UBTF: variants seen among roughly 807,000 people sequenced by gnomAD.
UBTF encodes nucleolar transcription factor 1.
In UBTF, 8 loss-of-function variants were observed where a neutral mutation model predicts 112.3. The observed-to-expected ratio is 0.07, with a 90% confidence interval of 0.04 to 0.13. UBTF has a LOEUF of 0.13. Among genes scored for constraint, UBTF ranks in the 10% least tolerant of loss-of-function variants. The pLI is 1.00. For missense variants in UBTF, 457 were observed against 982.1 expected, an observed-to-expected ratio of 0.47 and a Z score of 7.15; for synonymous variants, 417 against 373.1, an observed-to-expected ratio of 1.12 and a Z score of -1.36.
rs1598214375 is a variant in UBTF at position 44,207,892 on chromosome 17, C to T, written c.1925G>A (p.Arg642His). ...LWVKSLSPQD[R>H]AAYKEYISNK... ...GGAGATGTACTCTTTATATGCTGCA[C>T]GGTCCTGGGGAGACAGGCTCTGGGG... Residue 642 changes from arginine (R) to histidine (H), a missense_variant, in exon 18 of 21, where the codon CGT (arginine) becomes CAT (histidine). Around this residue, in one of 7 missense-constraint regions of UBTF, gnomAD observed 77 missense variants for 211.9 expected, o/e 0.36. Transcript: ENST00000436088. 4.3e-6 allele frequency: 7 copies of T among 1,613,928 alleles called. No individual in the cohort carries two copies. Among genetic ancestry groups the T allele is most frequent in the East Asian group, 2.2e-5 (1 of 44,878 alleles).
chr17:44,206,264 C>G lies in UBTF; in HGVS notation c.*978G>C, dbSNP rs2056232687. The G allele has an allele frequency of 1.3e-5, 2 of 152,086 alleles. No individual in the cohort carries two copies. Among genetic ancestry groups the G allele is most frequent in the South Asian group, 2.1e-4 (1 of 4,802 alleles). The allele number at this position is 152,086 out of a possible 1,614,324, so 9.4% of individuals were successfully genotyped here. On this transcript the variant is annotated 3_prime_UTR_variant, in exon 21 of 21. Coordinates refer to ENST00000436088, the MANE Select transcript of UBTF (RefSeq NM_014233.4). The stretch of plus-strand genomic sequence containing the variant: ...CCGAGAATGGCTTCAGCACACTCCC[C>G]CTAATGGAATCAGAGACTGGGCAAA...
chr17:44,212,354 T>C lies in UBTF; in HGVS notation c.761A>G (p.Lys254Arg). 1 of 1,613,070 alleles carries C rather than the reference T, an allele frequency of 6.2e-7. No homozygotes were observed. The highest frequency in any genetic ancestry group is 8.5e-7 in the Non-Finnish European group (1 of 1,179,764). The change falls in exon 8 of 21, where the codon AAG becomes AGG. Residue 254 changes from lysine to arginine, a missense_variant. Lys to Arg is a conservative substitution (Grantham distance 26). Transcript: ENST00000436088. The part of the protein sequence containing the change: ...KWIHKALEQR[K>R]EYEEIMRDYI... ...CAGCGGAAGCCTAACCTCGTACTCC[T>C]TCCGCTGCTCCAGGGCCTTATGAAT...
intron 1 of UBTF, chr17:44,218,976 G>A (rs2047014258): frequency 6.7e-6 from 1 of 149,982 alleles, no homozygotes; most frequent in African/African-American, 2.4e-5. Flanking sequence ...CCGGCCAGAG[G>A]CGCCGCCACC....
rs756904754 is a variant in UBTF at position 44,211,575 on chromosome 17, C to G, written c.1047+31G>C. On this transcript the variant is annotated intron_variant, in intron 10 of 20. Transcript: ENST00000436088. This position sits in a 1 kb window ranked among gnomAD's most constrained non-coding sequence, Gnocchi z 4.9. Reference sequence around the variant, plus strand: ...GGATCAGACCTCATGCTTCAAAACCCCAAGGCAGGGTGGCCCCTGCCACAG... The same window carrying G: ...GGATCAGACCTCATGCTTCAAAACCGCAAGGCAGGGTGGCCCCTGCCACAG... 5 of 1,599,966 alleles carry G rather than the reference C, an allele frequency of 3.1e-6. No homozygotes were observed. Among genetic ancestry groups the G allele is most frequent in the African/African-American group, 1.3e-5 (1 of 74,734 alleles).
At chr17:44,209,992 G>C in intron 15 of UBTF, 132 bp downstream of exon 15, 1 of 979,668 alleles carries the variant, frequency 1.0e-6, no homozygotes, top group Non-Finnish European at 1.6e-6. Context: ...ATGAGAGACA[G>C]AGGTTCAGAG....
At chr17:44,215,114 T>G (rs1033283701) in intron 5 of UBTF, among the ~76,000 whole-genome samples, 1 of 152,070 alleles carries the variant, frequency 6.6e-6, no homozygotes, top group Non-Finnish European at 1.5e-5. Flanking sequence ...CGTGGAGAAG[T>G]GCACTTCACA....
At position 44,207,102 on chromosome 17, in the gene UBTF, T is replaced by A. The variant is rs75104069; in HGVS notation, c.*140A>T. On this transcript the variant is annotated 3_prime_UTR_variant, in exon 21 of 21. Coordinates refer to ENST00000436088, the MANE Select transcript of UBTF (RefSeq NM_014233.4). ...CTCCAGCCCCCTACCCCCACCGTAT[T>A]TTTTTTTTTTTTTAAAGAAAGAAAG... 8.7e-6 allele frequency: 5 copies of A among 574,706 alleles called. No individual in the cohort carries two copies. The highest frequency in any genetic ancestry group is 8.9e-5 in the Admixed American group (2 of 22,424). The allele number at this position is 574,706 out of a possible 1,614,324, so 35.6% of individuals were successfully genotyped here. A position where few individuals can be genotyped will look rare whatever the true frequency, so the allele number is the denominator to read the frequency against.
intron 5 of UBTF, 88 bp downstream of exon 5, chr17:44,215,566 T>G: frequency 6.5e-7 from 1 of 1,529,946 alleles, no homozygotes; most frequent in East Asian, 2.3e-5. Flanking sequence ...GATGCCAGGT[T>G]TCTCCAAGGC....
In UBTF at chr17:44,210,891, C is replaced by T. The variant is rs527421287; in HGVS notation, c.1260G>A (p.Glu420=). ...GCTCCTCCTGCAGCTGCCGCCGTTT[C>T]TCCTCCGAGAAGATGAACATGGCCG... is the stretch of plus-strand genomic sequence containing the variant. ...PVSAMFIFSE[E]KRRQLQEERP... The change falls in exon 13 of 21, where the codon GAG becomes GAA. Residue 420 remains glutamate (E), a synonymous_variant. Transcript: ENST00000436088. The T allele has an allele frequency of 1.9e-6, 3 of 1,600,596 alleles. No individual in the cohort carries two copies. Among genetic ancestry groups the T allele is most frequent in the African/African-American group, 2.7e-5 (2 of 74,750 alleles).
intron 17 of UBTF, 178 bp downstream of exon 17, chr17:44,209,173 TA>T (rs67856160): frequency 0.013 from 6,953 of 524,066 alleles, no homozygotes; most frequent in South Asian, 0.018. Flanking sequence ...TCTCAAAAAA[TA>T]AAAAAAAAAA....
chr17:44,211,361 C>A lies in UBTF; in HGVS notation c.1048-30G>T, dbSNP rs2056665737. The stretch of plus-strand genomic sequence containing the variant: ...GAAAGTGAGTGGAGTCAGGATCAGT[C>A]TGGAGACAGTGTCACCACAGACCCT... On this transcript the variant is annotated intron_variant, in intron 10 of 20. Coordinates refer to ENST00000436088, the MANE Select transcript of UBTF (RefSeq NM_014233.4). The surrounding 1 kb of genome is among the most constrained non-coding windows in gnomAD (Gnocchi z 4.9). The A allele has an allele frequency of 4.3e-6, 7 of 1,613,498 alleles. No individual in the cohort carries two copies. In the African/African-American group the frequency reaches 6.7e-5, roughly 15 times the overall value.
In UBTF at chr17:44,209,487, G is replaced by T; in HGVS notation, c.1770C>A (p.His590Gln). The T allele has an allele frequency of 6.2e-7, 1 of 1,614,028 alleles. No homozygotes were observed. Among genetic ancestry groups the T allele is most frequent in the Admixed American group, 1.7e-5 (1 of 60,016 alleles). Reference protein sequence around the residue: ...QELLSNGELNHLPLKERMVEI... With the variant: ...QELLSNGELNQLPLKERMVEI... ...CCACCATGCGCTCCTTCAGCGGCAGGTGGTTCAGCTCCCCATTGGACAGCA... is the reference window on the plus strand; with the variant it reads ...CCACCATGCGCTCCTTCAGCGGCAGTTGGTTCAGCTCCCCATTGGACAGCA... The change falls in exon 17 of 21, where the codon CAC (histidine) becomes CAA (glutamine). Residue 590 changes from histidine to glutamine, a missense_variant. Transcript: ENST00000436088.
At chr17:44,209,598 C>T (rs1206628638) in intron 16 of UBTF, 47 bp downstream of exon 16, 1 of 1,613,880 alleles carries the variant, frequency 6.2e-7, no homozygotes, top group African/African-American at 1.3e-5. Context: ...GCCATCCAGC[C>T]CTGACCCTCC....
intron 2 of UBTF, among the ~76,000 whole-genome samples, chr17:44,217,204 C>T (rs1432028089): frequency 1.3e-5 from 2 of 152,168 alleles, no homozygotes; most frequent in Non-Finnish European, 2.9e-5. Context: ...AGATGTCTCT[C>T]CTGCACAGCT....
chr17:44,210,315 C>G lies in UBTF; in HGVS notation c.1515+3G>C. On this transcript the variant is annotated splice_donor_region_variant and intron_variant, in intron 14 of 20. Coordinates refer to ENST00000436088, the MANE Select transcript of UBTF (RefSeq NM_014233.4). ...CAGTACTACCCTTTCCCACCCCTGT[C>G]ACCTTGAAGCGGGCCAGGTAGTCGC... 1 of 1,614,280 alleles carries G rather than the reference C, an allele frequency of 6.2e-7. No individual in the cohort carries two copies. The highest frequency in any genetic ancestry group is 8.5e-7 in the Non-Finnish European group (1 of 1,180,048).
chr17:44,218,471 C>CCCCTG (rs2046960265), intron 1 of UBTF, 175 bp from the exon 2 acceptor site: 2 of 509,728 alleles, frequency 3.9e-6, no homozygotes, highest in Non-Finnish European at 6.8e-6. Context: ...TCCTCGTGAC[C>CCCCTG]CCCTCCCCCA....
chr17:44,216,167 C>T, intron 3 of UBTF, 178 bp from the exon 4 acceptor site: 1 of 638,298 alleles, frequency 1.6e-6, no homozygotes, highest in Non-Finnish European at 2.7e-6. Flanking sequence ...CTGGCCCATG[C>T]CTACCGCAGA....
rs780499501 is a variant in UBTF at position 44,205,762 on chromosome 17, T to C, written c.*1480A>G. 1.3e-5 allele frequency: 2 copies of C among 152,192 alleles called. No homozygotes were observed. Among genetic ancestry groups the C allele is most frequent in the Non-Finnish European group, 2.9e-5 (2 of 68,046 alleles). 9.4% of individuals were successfully genotyped at this position (152,192 alleles called of 1,614,324 possible). A position where few individuals can be genotyped will look rare whatever the true frequency, so the allele number is the denominator to read the frequency against. On this transcript the variant is annotated 3_prime_UTR_variant, in exon 21 of 21. Transcript: ENST00000436088. ...GCCCCAATTTAATAGGTCAGTGACA[T>C]GACCATAAAAAAGAACCCCCCAAAT...
Position 44,206,644 on chromosome 17 carries a change from A to G in UBTF, c.*598T>C, listed in dbSNP as rs1481105297. The G allele has an allele frequency of 6.6e-6, 1 of 151,718 alleles. No individual in the cohort carries two copies. The highest frequency in any genetic ancestry group is 2.4e-5 in the African/African-American group (1 of 40,836). 9.4% of individuals were successfully genotyped at this position (151,718 alleles called of 1,614,324 possible). On this transcript the variant is annotated 3_prime_UTR_variant, in exon 21 of 21. Transcript: ENST00000436088. ...TCAGAGCTTAAAAAAAAATATATAC[A>G]CATATATAAAAAACACTTCTGCCCC... is the stretch of plus-strand genomic sequence containing the variant.
Sources: allele counts gnomAD v4.1 joint callset (sites outside exome capture counted in the v4.1 genomes callset), GRCh38; gene constraint gnomAD v4.1.1; regional missense constraint gnomAD v4.1.1; non-coding constraint Gnocchi (gnomAD v3.1); transcripts MANE v1.5; gene names NCBI Gene and HGNC (gene_info 2026-07-23, HGNC 2026-07-21).